Variants in HS6ST3 observed in about 807,000 individuals in gnomAD.
HS6ST3 encodes the protein heparan sulfate 6-O-sulfotransferase 3.
HS6ST3 carries 12 observed loss-of-function variants against 36.7 expected under a neutral mutation model. That is an observed-to-expected ratio of 0.33 (90% CI 0.21 to 0.53). The LOEUF (loss-of-function observed/expected upper bound fraction) is 0.53. Among genes scored for constraint, HS6ST3 ranks in the 20% least tolerant of loss-of-function variants. The probability of loss-of-function intolerance (pLI) is 0.95; values close to 1 mark genes in which losing one functional copy is unlikely to be tolerated. For synonymous variants in HS6ST3, 240 were observed against 257.5 expected, an observed-to-expected ratio of 0.93 and a Z score of 0.65; for missense variants, 584 against 640.9, an observed-to-expected ratio of 0.91 and a Z score of 0.96.
chr13:96,620,239 C>T (rs991193714), intron 1 of HS6ST3, among the ~76,000 whole-genome samples: 1 of 152,198 alleles, frequency 6.6e-6, no homozygotes, highest in African/African-American at 2.4e-5. Context: ...TGCACCCCTC[C>T]CTAACACTTT....
At chr13:96,390,928 G>A (rs2055392199) in intron 1 of HS6ST3, among the ~76,000 whole-genome samples, 1 of 152,084 alleles carries the variant, frequency 6.6e-6, no homozygotes, top group Admixed American at 6.5e-5. Flanking sequence ...AACTGTCATT[G>A]TTTCCCGTCA....
intron 1 of HS6ST3, among the ~76,000 whole-genome samples, chr13:96,202,147 C>T (rs2054345391): frequency 6.6e-6 from 1 of 152,128 alleles, no homozygotes; most frequent in Non-Finnish European, 1.5e-5. Context: ...CTAAATCCTC[C>T]TTTTAATGTC....
At chr13:96,414,697 G>C (rs1375936932) in intron 1 of HS6ST3, among the ~76,000 whole-genome samples, 1 of 152,176 alleles carries the variant, frequency 6.6e-6, no homozygotes, top group Non-Finnish European at 1.5e-5. Context: ...GGCCAGGCTG[G>C]TTTAGAACTT....
intron 1 of HS6ST3, among the ~76,000 whole-genome samples, chr13:96,487,902 G>A (rs147834098): frequency 6.6e-6 from 1 of 152,040 alleles, no homozygotes; most frequent in African/African-American, 2.4e-5. Context: ...AATGTGACTG[G>A]TTATGTACAT....
At chr13:96,603,449 C>T (rs1025740144) in intron 1 of HS6ST3, among the ~76,000 whole-genome samples, 1 of 152,142 alleles carries the variant, frequency 6.6e-6, no homozygotes, top group African/African-American at 2.4e-5. Context: ...TGTATAAATA[C>T]ATCACAATGT....
chr13:96,211,573 T>C (rs2054399410), intron 1 of HS6ST3, among the ~76,000 whole-genome samples: 1 of 152,252 alleles, frequency 6.6e-6, no homozygotes, highest in Admixed American at 6.5e-5. Context: ...TCTTTTATAA[T>C]ATGAGAATAT....
At chr13:96,661,726 T>C (rs1187898515) in intron 1 of HS6ST3, among the ~76,000 whole-genome samples, 1 of 152,180 alleles carries the variant, frequency 6.6e-6, no homozygotes, top group Non-Finnish European at 1.5e-5. Flanking sequence ...TTTATGATGG[T>C]GAGTTTTGCC....
intron 1 of HS6ST3, among the ~76,000 whole-genome samples, chr13:96,773,647 G>T (rs1013240244): frequency 6.6e-6 from 1 of 152,200 alleles, no homozygotes; most frequent in East Asian, 1.9e-4. Context: ...TCTGGGCAGG[G>T]TATCTCTGAA....
At chr13:96,570,898 C>T (rs758484150) in intron 1 of HS6ST3, among the ~76,000 whole-genome samples, 1 of 152,064 alleles carries the variant, frequency 6.6e-6, no homozygotes, top group Non-Finnish European at 1.5e-5. Context: ...TGAGGCTTTT[C>T]TGAGGATGTA....
chr13:96,376,835 G>C (rs539392599), intron 1 of HS6ST3, among the ~76,000 whole-genome samples: 1 of 151,896 alleles, frequency 6.6e-6, no homozygotes, highest in Non-Finnish European at 1.5e-5. Flanking sequence ...AAAAGTTAAG[G>C]GTGGGCAAGG....
chr13:96,101,723 G>T (rs559707147), intron 1 of HS6ST3, among the ~76,000 whole-genome samples: 1 of 152,052 alleles, frequency 6.6e-6, no homozygotes, highest in African/African-American at 2.4e-5. Context: ...TATATGTCAC[G>T]TTCATTTCTC....
chr13:96,317,351 TATATATATATATATATAA>T (rs1387483463), intron 1 of HS6ST3, among the ~76,000 whole-genome samples: 56 of 26,864 alleles, frequency 2.1e-3, no homozygotes, highest in South Asian at 7.8e-3. Context: ...TATATATATA[TATATATATATATATATAA>T]AATTATATAT....
At chr13:96,236,358 C>A (rs187795703) in intron 1 of HS6ST3, among the ~76,000 whole-genome samples, 4 of 152,208 alleles carry the variant, frequency 2.6e-5, no homozygotes, top group Admixed American at 2.0e-4. Context: ...CCATCACAGG[C>A]AGCTTTGACA....
chr13:96,773,296 G>A (rs1271890297), intron 1 of HS6ST3, among the ~76,000 whole-genome samples: 4 of 152,200 alleles, frequency 2.6e-5, no homozygotes, highest in Admixed American at 1.3e-4. Flanking sequence ...CCCCAGTAGC[G>A]CCTGGAATGC....
At chr13:96,317,311 C>A (rs2054975293) in intron 1 of HS6ST3, among the ~76,000 whole-genome samples, 1 of 135,916 alleles carries the variant, frequency 7.4e-6, no homozygotes, top group African/African-American at 2.8e-5. Context: ...CTTTTTATGG[C>A]TGTGTAGTAT....
chr13:96,263,629 A>G (rs149876740), intron 1 of HS6ST3, among the ~76,000 whole-genome samples: 2 of 152,336 alleles, frequency 1.3e-5, no homozygotes, highest in East Asian at 3.9e-4. Flanking sequence ...TTTTCAGAAA[A>G]TGAGGATATT....
chr13:96,781,201 T>A (rs1000745130), intron 1 of HS6ST3, among the ~76,000 whole-genome samples: 2 of 152,198 alleles, frequency 1.3e-5, no homozygotes, highest in East Asian at 3.9e-4. Context: ...ATTTTCCTAT[T>A]CCATGTTAGC....
At chr13:96,691,408 G>A (rs1874952676) in intron 1 of HS6ST3, among the ~76,000 whole-genome samples, 1 of 152,136 alleles carries the variant, frequency 6.6e-6, no homozygotes, top group East Asian at 1.9e-4. Context: ...ACCACTGGTA[G>A]TCATATATAA....
chr13:96,561,144 C>T (rs2056260485), intron 1 of HS6ST3, among the ~76,000 whole-genome samples: 1 of 152,014 alleles, frequency 6.6e-6, no homozygotes, highest in Non-Finnish European at 1.5e-5. Flanking sequence ...CATAAGGCTA[C>T]ATACAGTAAG....
Sources: gnomAD v4.1 joint callset for allele counts (sites outside exome capture counted in the v4.1 genomes callset) on GRCh38, gnomAD v4.1.1 for gene constraint, MANE v1.5 for transcripts, NCBI Gene and HGNC (gene_info 2026-07-23, HGNC 2026-07-21) for gene names.